The following AP2A2 variants were observed in gnomAD, a reference collection of about 807,000 sequenced individuals.
AP2A2 encodes AP-2 complex subunit alpha-2.
Under a neutral mutation model 104.2 loss-of-function variants are expected in AP2A2, and 32 were observed. The observed-to-expected ratio is 0.31, with a 90% CI of 0.23 to 0.41. The LOEUF (loss-of-function observed/expected upper bound fraction) is 0.41. AP2A2 is among the 10% of genes least tolerant of loss of function. The pLI is 1.00. For synonymous variants in AP2A2, 539 were observed against 533.3 expected (o/e 1.01, Z -0.15); for missense variants, 912 against 1,261.0 (o/e 0.72, Z 4.19).
intron 21 of AP2A2, chr11:1,010,310 C>T: frequency 1.7e-6 from 1 of 582,390 alleles, no homozygotes; most frequent in Non-Finnish European, 3.1e-6. Flanking sequence ...ACAGCTTCTC[C>T]AGGTGGCCGT....
At chr11:976,266 A>AT (rs1044972879) in intron 4 of AP2A2, among the ~76,000 whole-genome samples, 14 of 152,188 alleles carry the variant, frequency 9.2e-5, no homozygotes, top group African/African-American at 3.4e-4. Context: ...CAGAAGGGGA[A>AT]TTTTTTATTC....
chr11:953,555 C>G lies in AP2A2; in HGVS notation c.68-5882C>G, dbSNP rs34789911. On this transcript the variant is annotated intron_variant, in intron 1 of 21. Transcript: ENST00000448903. ...TTTTCTACCGTAAGAGCCCCCCCCCCCCATTGTCTTCACACAGTGGCCTGC... is the reference window on the plus strand; with the variant it reads ...TTTTCTACCGTAAGAGCCCCCCCCCGCCATTGTCTTCACACAGTGGCCTGC... Among the ~76,000 whole-genome samples, 19 of 152,082 alleles carry G rather than the reference C, an allele frequency of 1.2e-4. No individual in the cohort carries two copies. The South Asian group carries it at 1.7e-3, about 13-fold the overall frequency.
intron 6 of AP2A2, 43 bp from the exon 7 acceptor site, chr11:984,602 C>T (rs764974878): frequency 2.0e-6 from 3 of 1,503,768 alleles, no homozygotes; most frequent in Non-Finnish European, 2.8e-6. Flanking sequence ...GCAGTAGGGG[C>T]TCGTGTCCGG....
chr11:964,660 T>A (rs550947342), intron 2 of AP2A2, among the ~76,000 whole-genome samples: 30 of 152,224 alleles, frequency 2.0e-4, no homozygotes, highest in East Asian at 5.8e-4. Flanking sequence ...TATTTTTTTT[T>A]AATAAAATGT....
At chr11:1,000,648 CCT>C (rs1856003046) in intron 15 of AP2A2, 50 bp downstream of exon 15, 6 of 1,504,070 alleles carry the variant, frequency 4.0e-6, no homozygotes, top group East Asian at 2.5e-5. Context: ...TGCCGTGCCC[CCT>C]GACTTCTGGT....
intron 1 of AP2A2, 85 bp downstream of exon 1, chr11:926,173 GAGGCGGGGGTGC>G: frequency 1.0e-6 from 1 of 974,034 alleles, no homozygotes; most frequent in African/African-American, 1.7e-5. Flanking sequence ...GCGGGGCCTC[GAGGCGGGGGTGC>G]AGGCTGGGAT....
intron 16 of AP2A2, among the ~76,000 whole-genome samples, chr11:1,004,702 G>A (rs1232790447): frequency 6.6e-6 from 1 of 152,096 alleles, no homozygotes; most frequent in African/African-American, 2.4e-5. Flanking sequence ...CTTGAGCCCA[G>A]GTGTTTGAGG....
intron 15 of AP2A2, 34 bp from the exon 16 acceptor site, chr11:1,003,688 T>C (rs371357891): frequency 6.2e-6 from 9 of 1,442,384 alleles, no homozygotes; most frequent in African/African-American, 2.9e-5. Context: ...GCAGGTGGCT[T>C]TGAGTGACAC....
chr11:988,033 C>A (rs1469778264), intron 9 of AP2A2, among the ~76,000 whole-genome samples: 1 of 152,272 alleles, frequency 6.6e-6, no homozygotes, highest in African/African-American at 2.4e-5. Flanking sequence ...CTCATTTGCA[C>A]ACGGCCAGTG....
intron 1 of AP2A2, among the ~76,000 whole-genome samples, chr11:958,321 T>A (rs779641372): frequency 6.6e-6 from 1 of 152,196 alleles, no homozygotes; most frequent in Non-Finnish European, 1.5e-5. Flanking sequence ...TGTGAGAAGA[T>A]GAAGTGTTTC....
At position 1,011,225 on chromosome 11, in the gene AP2A2, A is replaced by G. The variant is rs761117782; in HGVS notation, c.*600A>G. ...AAAGCACGTGTCCTGGCCGGATGTAACTGTTCTCCTTTCCCAGCTCCTGTT... is the reference window on the plus strand; with the variant it reads ...AAAGCACGTGTCCTGGCCGGATGTAGCTGTTCTCCTTTCCCAGCTCCTGTT... On this transcript the variant is annotated 3_prime_UTR_variant, in exon 22 of 22. Coordinates refer to ENST00000448903, the MANE Select transcript of AP2A2 (RefSeq NM_012305.4). 4.8e-5 allele frequency: 25 copies of G among 519,560 alleles called. No homozygotes were observed. The highest frequency in any genetic ancestry group is 3.5e-4 in the African/African-American group (18 of 52,006). The allele number at this position is 519,560 out of a possible 1,614,324, so 32.2% of individuals were successfully genotyped here.
chr11:973,647 T>C, intron 4 of AP2A2, among the ~76,000 whole-genome samples: 1 of 139,902 alleles, frequency 7.1e-6, no homozygotes, highest in South Asian at 2.4e-4. Context: ...GTGCCCAAGA[T>C]GGAAGGAAGG....
At chr11:1,004,697 G>T (rs1367489711) in intron 16 of AP2A2, among the ~76,000 whole-genome samples, 5 of 151,818 alleles carry the variant, frequency 3.3e-5, no homozygotes, top group African/African-American at 1.2e-4. Context: ...GATCGCTTGA[G>T]CCCAGGTGTT....
chr11:946,466 T>C (rs1365283672), intron 1 of AP2A2: 1 of 152,190 alleles, frequency 6.6e-6, no homozygotes, highest in Non-Finnish European at 1.5e-5. Context: ...CCAGTAAAAC[T>C]GTCCTTTGAA....
intron 1 of AP2A2, among the ~76,000 whole-genome samples, chr11:958,221 C>T (rs1344359392): frequency 6.6e-6 from 1 of 152,208 alleles, no homozygotes; most frequent in Non-Finnish European, 1.5e-5. Flanking sequence ...CGTGAGCACA[C>T]AGAAGGTGGC....
chr11:935,977 C>T (rs927870431), intron 1 of AP2A2, among the ~76,000 whole-genome samples: 16 of 151,202 alleles, frequency 1.1e-4, no homozygotes, highest in Non-Finnish European at 2.4e-4. Flanking sequence ...TCTCGGCTCA[C>T]TGCAAGCTCT....
intron 1 of AP2A2, among the ~76,000 whole-genome samples, chr11:949,523 T>C (rs978687636): frequency 6.6e-6 from 1 of 152,102 alleles, no homozygotes; most frequent in Admixed American, 6.5e-5. Context: ...ACACCTGTAA[T>C]CCCAGCACTT....
chr11:970,759 GCA>G (rs1285074950), intron 3 of AP2A2, among the ~76,000 whole-genome samples: 3 of 152,244 alleles, frequency 2.0e-5, no homozygotes, highest in African/African-American at 7.2e-5. Flanking sequence ...CCTTGTTGAC[GCA>G]CTGTCCCAAG....
Position 968,488 on chromosome 11 carries a change from C to T in AP2A2, c.137-1681C>T, listed in dbSNP as rs1293707864. On this transcript the variant is annotated intron_variant, in intron 2 of 21. Coordinates refer to ENST00000448903, the MANE Select transcript of AP2A2 (RefSeq NM_012305.4). This position sits in a 1 kb window ranked among gnomAD's most constrained non-coding sequence, Gnocchi z 4.2. The stretch of plus-strand genomic sequence containing the variant: ...CCTGTCCCACAAAACTCAGCCCAGT[C>T]GGGCCGCTGGTCCTCTCCCCTGTCA... Among the ~76,000 whole-genome samples the T allele has an allele frequency of 3.3e-5, 5 of 152,160 alleles. No homozygotes were observed. Among genetic ancestry groups the T allele is most frequent in the South Asian group, 2.1e-4 (1 of 4,830 alleles).
Sources: allele counts gnomAD v4.1 joint callset (sites outside exome capture counted in the v4.1 genomes callset), GRCh38; gene constraint gnomAD v4.1.1; non-coding constraint Gnocchi (gnomAD v3.1); transcripts MANE v1.5; gene names NCBI Gene and HGNC (gene_info 2026-07-23, HGNC 2026-07-21).